Variants in MICU3 observed in about 807,000 individuals in gnomAD.
The protein encoded by MICU3 is calcium uptake protein 3, mitochondrial.
MICU3 carries 62 observed loss-of-function variants against 66.5 expected under a neutral mutation model. The observed-to-expected ratio is 0.93, with a 90% CI of 0.76 to 1.15. The LOEUF is 1.15. Ranked by LOEUF, MICU3 falls within the 50% of genes most tolerant of loss-of-function variation. The probability of loss-of-function intolerance (pLI) is 0.00; values close to 1 mark genes in which losing one functional copy is unlikely to be tolerated. For missense variants in MICU3, 779 were observed against 664.4 expected (o/e 1.17, Z -1.90); for synonymous variants, 308 against 240.7 (o/e 1.28, Z -2.59).
In MICU3 at chr8:17,032,823, C is replaced by T. The variant is rs144462849; in HGVS notation, c.381+5163C>T. On this transcript the variant is annotated intron_variant, in intron 1 of 14. Transcript: ENST00000318063. ...TTGGCACCATTTTTCCAACATTATA[C>T]GCGTACTTAATGTTTCTGTGTCATG... Among the ~76,000 whole-genome samples, 51 of 152,276 alleles carry T rather than the reference C, an allele frequency of 3.3e-4. No individual in the cohort carries two copies. In the East Asian group the frequency reaches 6.9e-3, roughly 21 times the overall value.
the MICU3 span, among the ~76,000 whole-genome samples, chr8:17,130,192 G>A: frequency 6.6e-6 from 1 of 152,114 alleles, no homozygotes; most frequent in Admixed American, 6.5e-5. Flanking sequence ...AATGATAAAT[G>A]TTTAGTAAAA....
At chr8:17,045,018 A>C (rs539825436) in intron 1 of MICU3, among the ~76,000 whole-genome samples, 8 of 152,246 alleles carry the variant, frequency 5.3e-5, no homozygotes, top group African/African-American at 1.9e-4. Flanking sequence ...CCTTTATTTC[A>C]TATGTCTGGC....
At chr8:17,034,259 C>T (rs1172150204) in intron 1 of MICU3, among the ~76,000 whole-genome samples, 1 of 152,158 alleles carries the variant, frequency 6.6e-6, no homozygotes, top group Admixed American at 6.5e-5. Context: ...ACTATTGAGA[C>T]CTGCTGCTTA....
chr8:17,073,441 G>A (rs1311437145), intron 3 of MICU3, among the ~76,000 whole-genome samples: 2 of 151,680 alleles, frequency 1.3e-5, no homozygotes, highest in Non-Finnish European at 2.9e-5. Context: ...ATATGTCACT[G>A]TCTCCCATCA....
intron 9 of MICU3, 85 bp from the exon 10 acceptor site, chr8:17,104,306 T>C (rs1301496873): frequency 1.1e-5 from 6 of 569,738 alleles, no homozygotes; most frequent in Non-Finnish European, 1.8e-5. Flanking sequence ...TGTATGTTGA[T>C]AACAGAATTC....
intron 4 of MICU3, 115 bp from the exon 5 acceptor site, chr8:17,081,578 T>C (rs1351570544): frequency 2.9e-6 from 1 of 348,868 alleles, no homozygotes; most frequent in Non-Finnish European, 5.3e-6. Flanking sequence ...ATAATAATGA[T>C]TGTCATTTAA....
At chr8:17,044,836 G>T (rs910107208) in intron 1 of MICU3, among the ~76,000 whole-genome samples, 2 of 152,176 alleles carry the variant, frequency 1.3e-5, no homozygotes, top group Non-Finnish European at 2.9e-5. Context: ...TGGGTCAGGA[G>T]ACCTGAATGA....
At chr8:17,135,982 CTA>C in the MICU3 span, among the ~76,000 whole-genome samples, 26 of 152,198 alleles carry the variant, frequency 1.7e-4, no homozygotes, top group African/African-American at 6.3e-4. Flanking sequence ...GTTGACTTCT[CTA>C]TGTTAGCTTC....
intron 7 of MICU3, 118 bp from the exon 8 acceptor site, chr8:17,090,428 C>A: frequency 1.3e-6 from 1 of 760,678 alleles, no homozygotes; most frequent in Non-Finnish European, 2.2e-6. Flanking sequence ...TAAAATGTAG[C>A]ATAATGATTT....
chr8:17,085,119 C>T (rs182112261), intron 5 of MICU3, 117 bp from the exon 6 acceptor site: 291 of 564,476 alleles, frequency 5.2e-4, no homozygotes, highest in African/African-American at 2.8e-3. Flanking sequence ...TACTTTTATA[C>T]GCTTTCTACT....
At chr8:17,059,027 G>C (rs936708005) in intron 1 of MICU3, among the ~76,000 whole-genome samples, 1 of 152,136 alleles carries the variant, frequency 6.6e-6, no homozygotes, top group Non-Finnish European at 1.5e-5. Flanking sequence ...TCATTTGTAT[G>C]TAATAGGCAC....
chr8:17,040,880 G>A (rs1188114626), intron 1 of MICU3, among the ~76,000 whole-genome samples: 2 of 152,166 alleles, frequency 1.3e-5, no homozygotes, highest in Non-Finnish European at 2.9e-5. Flanking sequence ...AGAATCAAGG[G>A]TGTTATTCAA....
intron 1 of MICU3, among the ~76,000 whole-genome samples, chr8:17,051,161 A>T (rs983961675): frequency 2.6e-5 from 4 of 152,128 alleles, no homozygotes; most frequent in African/African-American, 7.2e-5. Flanking sequence ...TCCCCACCTT[A>T]TATTTTTCTG....
At chr8:17,135,551 G>A in the MICU3 span, among the ~76,000 whole-genome samples, 1 of 152,064 alleles carries the variant, frequency 6.6e-6, no homozygotes, top group African/African-American at 2.4e-5. Flanking sequence ...CTGGTGGGCA[G>A]TCATATTACA....
Position 17,027,352 on chromosome 8 carries a change from C to T in MICU3, c.73C>T (p.Leu25Phe), listed in dbSNP as rs778280523. Residue 25 changes from leucine to phenylalanine, a missense_variant, in exon 1 of 15, where the codon CTT (leucine) becomes TTT (phenylalanine). Physicochemically the swap from Leu to Phe is conservative, Grantham distance 22. Coordinates refer to ENST00000318063, the MANE Select transcript of MICU3 (RefSeq NM_181723.3). ...SPPLCAHQPL[L>F]GPWGRPAVTT... ...TCCACTCTGCGCTCACCAGCCCCTC[C>T]TTGGGCCGTGGGGGCGGCCTGCGGT... is the stretch of plus-strand genomic sequence containing the variant. 1.9e-5 allele frequency: 29 copies of T among 1,511,268 alleles called. No homozygotes were observed. The highest frequency in any genetic ancestry group is 8.8e-5 in the Admixed American group (4 of 45,594). The allele number at this position is 1,511,268 out of a possible 1,614,324, so 93.6% of individuals were successfully genotyped here. A position where few individuals can be genotyped will look rare whatever the true frequency, so the allele number is the denominator to read the frequency against.
chr8:17,080,757 G>A (rs1821067187), intron 4 of MICU3, among the ~76,000 whole-genome samples: 2 of 152,080 alleles, frequency 1.3e-5, no homozygotes, highest in Non-Finnish European at 2.9e-5. Flanking sequence ...CTGACAAACT[G>A]CCTGACAGTG....
chr8:17,103,576 A>AGAAGGAAG (rs35799459), intron 9 of MICU3, among the ~76,000 whole-genome samples: 149 of 150,848 alleles, frequency 9.9e-4, no homozygotes, highest in Non-Finnish European at 1.4e-3. Context: ...GGCCAACTGG[A>AGAAGGAAG]GAAGGAAGGA....
chr8:17,051,918 G>T (rs943671313), intron 1 of MICU3, among the ~76,000 whole-genome samples: 1 of 152,120 alleles, frequency 6.6e-6, no homozygotes, highest in African/African-American at 2.4e-5. Context: ...CACTTTCTAA[G>T]GTGGGAGGAA....
In MICU3 at chr8:17,105,426, C is replaced by G. The variant is rs769790279; in HGVS notation, c.1099C>G (p.Leu367Val). The G allele has an allele frequency of 6.5e-7, 1 of 1,546,126 alleles. No individual in the cohort carries two copies. Among genetic ancestry groups the G allele is most frequent in the African/African-American group, 1.4e-5 (1 of 71,630 alleles). The change falls in exon 11 of 15, where the codon CTC (leucine) becomes GTC (valine). Residue 367 changes from leucine to valine, a missense_variant. Physicochemically the swap from Leu to Val is conservative, Grantham distance 32. Transcript: ENST00000318063. ...TTTTTGTCATAGATTCATGGATAATCTCCAAACAGAAGTTCTAGAAATAGA... is the reference window on the plus strand; with the variant it reads ...TTTTTGTCATAGATTCATGGATAATGTCCAAACAGAAGTTCTAGAAATAGA... ...FEDFYRFMDN[L>V]QTEVLEIEFL...
Sources: gnomAD v4.1 joint callset for allele counts (sites outside exome capture counted in the v4.1 genomes callset) on GRCh38, gnomAD v4.1.1 for gene constraint, MANE v1.5 for transcripts, NCBI Gene and HGNC (gene_info 2026-07-23, HGNC 2026-07-21) for gene names.